The following TSPAN16 variants were observed in gnomAD, a reference collection of about 807,000 sequenced individuals.
TSPAN16 encodes tetraspanin-16.
In TSPAN16, 23 loss-of-function variants were observed where a neutral mutation model predicts 25.2. The observed-to-expected ratio is 0.91, with a 90% CI of 0.66 to 1.29. The LOEUF (loss-of-function observed/expected upper bound fraction) is 1.29. TSPAN16 is among the 50% of genes most tolerant of loss of function. The pLI is 0.00. For missense variants in TSPAN16, 272 were observed against 299.9 expected, an observed-to-expected ratio of 0.91 and a Z score of 0.69; for synonymous variants, 123 against 124.4, an observed-to-expected ratio of 0.99 and a Z score of 0.08.
intron 1 of TSPAN16, 43 bp downstream of exon 1, chr19:11,296,409 T>A: frequency 6.3e-7 from 1 of 1,585,816 alleles, no homozygotes; most frequent in Non-Finnish European, 8.7e-7. Flanking sequence ...TTGCAGCCCT[T>A]CCTCCACAGT....
intron 1 of TSPAN16, among the ~76,000 whole-genome samples, chr19:11,297,670 T>C (rs2080494058): frequency 6.6e-6 from 1 of 152,046 alleles, no homozygotes; most frequent in Non-Finnish European, 1.5e-5. Flanking sequence ...CCAATTTTTG[T>C]ATTTTTAGTA....
chr19:11,296,547 C>T (rs1027703384), intron 1 of TSPAN16, among the ~76,000 whole-genome samples, 181 bp downstream of exon 1: 2 of 152,114 alleles, frequency 1.3e-5, no homozygotes, highest in Non-Finnish European at 2.9e-5. Flanking sequence ...CTCCATCAAC[C>T]GAGAGCTGGT....
intron 1 of TSPAN16, among the ~76,000 whole-genome samples, chr19:11,296,915 C>T (rs999854116): frequency 3.7e-4 from 56 of 152,028 alleles, no homozygotes; most frequent in African/African-American, 1.2e-3. Context: ...TGGCACGTGC[C>T]TATAATCCCA....
At chr19:11,323,371 A>G (rs1417517325) in intron 6 of TSPAN16, 5 of 152,158 alleles carry the variant, frequency 3.3e-5, no homozygotes, top group Admixed American at 2.6e-4. Flanking sequence ...AAGCAAGTGG[A>G]TCACTTGAAG....
At chr19:11,315,347 G>T (rs938223305) in intron 6 of TSPAN16, among the ~76,000 whole-genome samples, 2 of 150,162 alleles carry the variant, frequency 1.3e-5, no homozygotes, top group African/African-American at 2.4e-5. Flanking sequence ...CACGAGGTCA[G>T]GAGATCGAGA....
intron 6 of TSPAN16, among the ~76,000 whole-genome samples, chr19:11,315,412 C>T (rs1246708541): frequency 6.6e-6 from 1 of 150,606 alleles, no homozygotes; most frequent in African/African-American, 2.4e-5. Context: ...AAAAAATTAG[C>T]CAGGCGTGGT....
rs2080510323 is a variant in TSPAN16 at position 11,298,874 on chromosome 19, C to T, written c.270C>T (p.Cys90=). 1 of 1,614,026 alleles carries T rather than the reference C, an allele frequency of 6.2e-7. No homozygotes were observed. Among genetic ancestry groups the T allele is most frequent in the African/African-American group, 1.3e-5 (1 of 75,046 alleles). The part of the protein sequence containing the change: ...TKESRGTLLF[C]ILSMVIVLIM... ...CTCTCTCCCCGTGTGTCTTTTAGTGCATCCTGTCAATGGTTATTGTCCTCA... is the reference window on the plus strand; with the variant it reads ...CTCTCTCCCCGTGTGTCTTTTAGTGTATCCTGTCAATGGTTATTGTCCTCA... Residue 90 remains cysteine (C), a splice_region_variant and synonymous_variant, in exon 3 of 7, where the codon TGC becomes TGT. Transcript: ENST00000590327.
chr19:11,326,727 CT>C (rs2080815498), intron 6 of TSPAN16: 1 of 687,928 alleles, frequency 1.5e-6, no homozygotes, highest in Non-Finnish European at 2.6e-6. Flanking sequence ...CCTTGGCCCC[CT>C]GAGTAGCTGG....
downstream of TSPAN16, among the ~76,000 whole-genome samples, chr19:11,319,942 G>A (rs1035465313): frequency 2.0e-5 from 3 of 151,756 alleles, no homozygotes; most frequent in African/African-American, 4.8e-5. Flanking sequence ...AGCCTCCCGC[G>A]TAGCTGGGAC....
At chr19:11,309,397 C>T (rs999942898) in intron 5 of TSPAN16, among the ~76,000 whole-genome samples, 10 of 152,220 alleles carry the variant, frequency 6.6e-5, no homozygotes, top group Admixed American at 1.3e-4. Flanking sequence ...CCTGTCACCT[C>T]CTAACCTTTC....
downstream of TSPAN16, among the ~76,000 whole-genome samples, chr19:11,320,963 G>A (rs749330292): frequency 1.6e-4 from 24 of 152,056 alleles, no homozygotes; most frequent in Non-Finnish European, 1.9e-4. Context: ...GAGGTCAGGC[G>A]TTCGAGACCA....
rs1322093879 is a variant in TSPAN16 at position 11,303,579 on chromosome 19, A to T, written c.450+2271A>T. ...AAAAAATAAATAAATAAATAAATTA[A>T]AAAAAAAAAAAAAAAAAACTCCTGG... On this transcript the variant is annotated intron_variant, in intron 4 of 6. Transcript: ENST00000590327. Among the ~76,000 whole-genome samples the T allele has an allele frequency of 2.2e-4, 24 of 110,148 alleles. 2 individuals are homozygous for T. The highest frequency in any genetic ancestry group is 9.4e-4 in the East Asian group (4 of 4,252). 72.3% of individuals were successfully genotyped at this position (110,148 alleles called of 152,430 possible). A position where few individuals can be genotyped will look rare whatever the true frequency, so the allele number is the denominator to read the frequency against.
At chr19:11,296,537 C>T (rs1439722428) in intron 1 of TSPAN16, among the ~76,000 whole-genome samples, 171 bp downstream of exon 1, 1 of 152,116 alleles carries the variant, frequency 6.6e-6, no homozygotes, top group Non-Finnish European at 1.5e-5. Context: ...GCGTGGGGAC[C>T]TCCATCAACC....
At chr19:11,304,743 C>A (rs1233171507) in intron 4 of TSPAN16, among the ~76,000 whole-genome samples, 2 of 151,706 alleles carry the variant, frequency 1.3e-5, no homozygotes, top group African/African-American at 4.9e-5. Flanking sequence ...CCAGGATGAT[C>A]TTGATCTCCT....
chr19:11,320,111 C>T (rs1269268863), downstream of TSPAN16, among the ~76,000 whole-genome samples: 2 of 115,470 alleles, frequency 1.7e-5, no homozygotes, highest in African/African-American at 7.2e-5. Flanking sequence ...AGCCACTACG[C>T]CCGGCCAGGA....
At chr19:11,296,821 G>A (rs969456811) in intron 1 of TSPAN16, among the ~76,000 whole-genome samples, 3 of 151,970 alleles carry the variant, frequency 2.0e-5, no homozygotes, top group Admixed American at 6.6e-5. Flanking sequence ...GGTGGATCAC[G>A]AGGTCAGGAG....
At chr19:11,312,074 G>T in intron 5 of TSPAN16, 65 bp from the exon 6 acceptor site, 1 of 1,281,212 alleles carries the variant, frequency 7.8e-7, no homozygotes, top group South Asian at 1.2e-5. Context: ...AGTTGGGGTT[G>T]ATGGGGACTT....
chr19:11,296,364 G>A lies in TSPAN16; in HGVS notation c.67G>A (p.Ala23Thr). The A allele has an allele frequency of 1.3e-5, 21 of 1,614,112 alleles. No individual in the cohort carries two copies. Among genetic ancestry groups the A allele is most frequent in the Non-Finnish European group, 1.8e-5 (21 of 1,179,988 alleles). The part of the protein sequence containing the change: ...KLLSLLNGFV[A>T]VSGIILVGLG... Reference sequence around the variant, plus strand: ...GTTATCTTTACTCAATGGCTTCGTGGCTGTAAGTATGTCACAATCCAGGCC... The same window carrying A: ...GTTATCTTTACTCAATGGCTTCGTGACTGTAAGTATGTCACAATCCAGGCC... The change falls in exon 1 of 7, where the codon GCT becomes ACT. Residue 23 changes from alanine (A) to threonine (T), a missense_variant and splice_region_variant. By Grantham distance (58) the Ala-to-Thr change is moderately conservative. Coordinates refer to ENST00000590327, the MANE Select transcript of TSPAN16 (RefSeq NM_001282509.2).
intron 5 of TSPAN16, among the ~76,000 whole-genome samples, chr19:11,311,524 G>A (rs1461488989): frequency 6.6e-6 from 1 of 152,072 alleles, no homozygotes; most frequent in Non-Finnish European, 1.5e-5. Flanking sequence ...TCGACTGGCT[G>A]AGCTCAAGCA....
Sources: allele counts gnomAD v4.1 joint callset (sites outside exome capture counted in the v4.1 genomes callset), GRCh38; gene constraint gnomAD v4.1.1; transcripts MANE v1.5; gene names NCBI Gene and HGNC (gene_info 2026-07-23, HGNC 2026-07-21).